Variants in PTCH1 observed in about 807,000 individuals in gnomAD.
PTCH1 encodes the protein patched 1.
A neutral mutation model predicts 144.6 loss-of-function variants in PTCH1; 14 were observed. The ratio of observed to expected loss-of-function variants is 0.10; its 90% confidence interval spans 0.06 to 0.15. PTCH1 has a LOEUF of 0.15. Among genes scored for constraint, PTCH1 ranks in the 10% least tolerant of loss-of-function variants. PTCH1 has a pLI of 1.00. For synonymous variants in PTCH1, 833 were observed against 793.6 expected (o/e 1.05, Z -0.83); for missense variants, 1,623 against 1,948.3 (o/e 0.83, Z 3.14).
intron 23 of PTCH1, 141 bp from the exon 24 acceptor site, chr9:95,446,532 C>T: frequency 2.2e-6 from 1 of 450,960 alleles, no homozygotes; most frequent in Non-Finnish European, 4.4e-6. Flanking sequence ...TCCCTGGGGG[C>T]TGCTTGTGAC....
At chr9:95,459,909 A>G (rs1159298532) in intron 16 of PTCH1, 126 bp from the exon 17 acceptor site, 8 of 1,042,800 alleles carry the variant, frequency 7.7e-6, no homozygotes, top group Non-Finnish European at 1.2e-5. Context: ...CTACTGTTGA[A>G]AGTGTCGAAA....
At position 95,446,408 on chromosome 9, in the gene PTCH1, A is replaced by T. The variant is rs1238191689; in HGVS notation, c.*2-17T>A. 7.7e-6 allele frequency: 4 copies of T among 518,850 alleles called. No homozygotes were observed. The highest frequency in any genetic ancestry group is 1.5e-5 in the Non-Finnish European group (4 of 259,974). 32.1% of individuals were successfully genotyped at this position (518,850 alleles called of 1,614,324 possible). A position where few individuals can be genotyped will look rare whatever the true frequency, so the allele number is the denominator to read the frequency against. On this transcript the variant is annotated splice_polypyrimidine_tract_variant and intron_variant, in intron 23 of 23. Coordinates refer to ENST00000331920, the MANE Select transcript of PTCH1 (RefSeq NM_000264.5). ...TTAATCACCCTTTAAAAGGAAGCAA[A>T]AAAGGAAGTTGAACAGAGTAAGAGG...
At chr9:95,507,470 T>A in intron 1 of PTCH1, 1 of 980,212 alleles carries the variant, frequency 1.0e-6, no homozygotes. Flanking sequence ...ACCCGGCAGC[T>A]CCGCAGACTC....
intron 19 of PTCH1, 48 bp from the exon 20 acceptor site, chr9:95,453,668 G>A (rs1011281409): frequency 1.2e-6 from 2 of 1,608,822 alleles, no homozygotes; most frequent in African/African-American, 1.3e-5. Context: ...ACTTCACCTG[G>A]TAAATGCTCA....
chr9:95,460,165 C>T (rs1033180419), intron 16 of PTCH1, among the ~76,000 whole-genome samples: 1 of 152,246 alleles, frequency 6.6e-6, no homozygotes, highest in Non-Finnish European at 1.5e-5. Context: ...CAGTTAACCT[C>T]TGTTGTTAAC....
intron 18 of PTCH1, 138 bp downstream of exon 18, chr9:95,457,875 G>T: frequency 1.7e-6 from 2 of 1,205,626 alleles, no homozygotes; most frequent in East Asian, 2.5e-5. Flanking sequence ...TCACCACCTC[G>T]AGTAGAATAA....
At position 95,475,521 on chromosome 9, in the gene PTCH1, C is replaced by G. The variant is rs55775203; in HGVS notation, c.1728+513G>C. Among the ~76,000 whole-genome samples, 71 of 152,300 alleles carry G rather than the reference C, an allele frequency of 4.7e-4. No homozygotes were observed. The East Asian group carries it at 5.8e-3, about 12-fold the overall frequency. On this transcript the variant is annotated intron_variant, in intron 12 of 23. Transcript: ENST00000331920. Reference sequence around the variant, plus strand: ...CTGCAGGAAATTCTCCACAGAGCCTCGCCAGTTCGCGGTCCTGCAGTGCCG... The same window carrying G: ...CTGCAGGAAATTCTCCACAGAGCCTGGCCAGTTCGCGGTCCTGCAGTGCCG...
rs1843927772 is a variant in PTCH1 at position 95,508,438 on chromosome 9, G to A, written c.-77C>T. The A allele has an allele frequency of 1.9e-6, 2 of 1,033,866 alleles. No homozygotes were observed. The highest frequency in any genetic ancestry group is 2.3e-6 in the Non-Finnish European group (2 of 862,884). 64.0% of individuals were successfully genotyped at this position (1,033,866 alleles called of 1,614,324 possible). On this transcript the variant is annotated 5_prime_UTR_variant, in exon 1 of 24. Transcript: ENST00000331920. ...CGGCGCGCTGCTGCCGCTGCTGCGG[G>A]CTCCTGGCGCGCCTGGGCGCTCGGC...
Position 95,447,008 on chromosome 9 carries a change from G to T in PTCH1, c.4248C>A (p.Phe1416Leu), listed in dbSNP as rs1564004573. 1 of 1,614,192 alleles carries T rather than the reference G, an allele frequency of 6.2e-7. No homozygotes were observed. The highest frequency in any genetic ancestry group is 1.7e-5 in the Admixed American group (1 of 60,024). The part of the protein sequence containing the change: ...HGLFEDPHVP[F>L]HVRCERRDSK... ...AATCCCTCCTCTCACACCGGACGTG[G>T]AAAGGCACGTGGGGGTCCTCAAACA... The change falls in exon 23 of 24, where the codon TTC becomes TTA. Residue 1416 changes from phenylalanine (F) to leucine (L), a missense_variant. This residue lies in a region of PTCH1 where 291 missense variants were observed against 287.4 expected (regional missense o/e 1.01). Coordinates refer to ENST00000331920, the MANE Select transcript of PTCH1 (RefSeq NM_000264.5).
Position 95,508,879 on chromosome 9 carries a change from C to G in PTCH1, c.-518G>C, listed in dbSNP as rs1397041842. The G allele has an allele frequency of 2.1e-6, 2 of 932,696 alleles. No homozygotes were observed. The highest frequency in any genetic ancestry group is 2.6e-6 in the Non-Finnish European group (2 of 782,458). 57.8% of individuals were successfully genotyped at this position (932,696 alleles called of 1,614,324 possible). Reference sequence around the variant, plus strand: ...GCGGCCGCGGAGGGCAAGCGCAGAGCCGCCGCCGCCGCGGGGTCCGAGGGT... The same window carrying G: ...GCGGCCGCGGAGGGCAAGCGCAGAGGCGCCGCCGCCGCGGGGTCCGAGGGT... On this transcript the variant is annotated 5_prime_UTR_variant, in exon 1 of 24. Coordinates refer to ENST00000331920, the MANE Select transcript of PTCH1 (RefSeq NM_000264.5).
chr9:95,485,413 TCCC>T (rs1161389388), intron 3 of PTCH1, among the ~76,000 whole-genome samples: 1 of 152,146 alleles, frequency 6.6e-6, no homozygotes, highest in Non-Finnish European at 1.5e-5. Flanking sequence ...GGGTGTATAG[TCCC>T]CAAGTGGCTC....
At chr9:95,464,125 T>C (rs1839787299) in intron 15 of PTCH1, among the ~76,000 whole-genome samples, 2 of 152,212 alleles carry the variant, frequency 1.3e-5, no homozygotes, top group Admixed American at 6.5e-5. Flanking sequence ...TTAGGTGCCA[T>C]TCACTCTACT....
Position 95,469,416 on chromosome 9 carries a change from G to C in PTCH1, c.1848-263C>G, listed in dbSNP as rs56391478. On this transcript the variant is annotated intron_variant, in intron 13 of 23. Coordinates refer to ENST00000331920, the MANE Select transcript of PTCH1 (RefSeq NM_000264.5). ...TTTGGCTTTCAAAAGCAAGTTCCAT[G>C]ATGATGAATCCTTCAAAGCACAATT... 6.6e-4 allele frequency among the ~76,000 whole-genome samples: 100 copies of C among 152,330 alleles called. 1 individual carries two copies. Among genetic ancestry groups the C allele is most frequent in the African/African-American group, 2.1e-3 (89 of 41,582 alleles).
At chr9:95,480,657 G>C (rs899016456) in intron 5 of PTCH1, 69 bp from the exon 6 acceptor site, 10 of 1,483,764 alleles carry the variant, frequency 6.7e-6, no homozygotes, top group African/African-American at 1.4e-5. Flanking sequence ...TAACACGGCT[G>C]CGCCCACTGC....
rs369109033 is a variant in PTCH1 at position 95,477,700 on chromosome 9, G to C, written c.1350C>G (p.Leu450=). The change falls in exon 10 of 24, where the codon CTC becomes CTG. Residue 450 remains leucine, a splice_region_variant and synonymous_variant. Transcript: ENST00000331920. ...IRVASGYLLM[L]AYACLTMLRW... ...GCAGCATGGTTAGACAGGCATAGGC[G>C]AGCTGCAAGCAGAACAATGGGGGCA... 3.1e-6 allele frequency: 5 copies of C among 1,614,078 alleles called. No homozygotes were observed. The highest frequency in any genetic ancestry group is 4.2e-6 in the Non-Finnish European group (5 of 1,179,994).
intron 2 of PTCH1, among the ~76,000 whole-genome samples, chr9:95,499,252 C>A (rs1028363436): frequency 4.0e-5 from 6 of 151,370 alleles, no homozygotes; most frequent in African/African-American, 1.5e-4. Context: ...CTGCCAAGAG[C>A]CCATCAAAGA....
rs369882883 is a variant in PTCH1, at chr9:95,447,004, C to T, written c.4252G>A (p.Val1418Ile). ...TTCGAATCCCTCCTCTCACACCGGA[C>T]GTGGAAAGGCACGTGGGGGTCCTCA... ...LFEDPHVPFH[V>I]RCERRDSKVE... is the part of the protein sequence containing the mutation. Residue 1418 changes from valine (V) to isoleucine (I), a missense_variant, in exon 23 of 24, where the codon GTC becomes ATC. By Grantham distance (29) the Val-to-Ile change is conservative (BLOSUM62 3). Transcript: ENST00000331920. 209 of 1,614,186 alleles carry T rather than the reference C, an allele frequency of 1.3e-4. No homozygotes were observed. The Admixed American group carries it at 2.1e-3, about 16-fold the overall frequency.
chr9:95,451,268 G>A (rs1838436613), intron 20 of PTCH1: 1 of 152,172 alleles, frequency 6.6e-6, no homozygotes, highest in Non-Finnish European at 1.5e-5. Flanking sequence ...TAAGACATTT[G>A]CATCCCATCC....
exon 1 of PTCH1, chr9:95,516,691 C>G: frequency 6.2e-7 from 1 of 1,611,182 alleles, no homozygotes; most frequent in Non-Finnish European, 8.5e-7. Flanking sequence ...TCTTCTTCTT[C>G]TCCTCCTCCT....
Sources: gnomAD v4.1 joint callset for allele counts (sites outside exome capture counted in the v4.1 genomes callset) on GRCh38, gnomAD v4.1.1 for gene constraint, gnomAD v4.1.1 regional missense constraint, MANE v1.5 for transcripts, NCBI Gene and HGNC (gene_info 2026-07-23, HGNC 2026-07-21) for gene names.